The following CCDC171 variants were observed in gnomAD, a reference collection of about 807,000 sequenced individuals.
CCDC171 encodes coiled-coil domain-containing protein 171.
In CCDC171, 177 loss-of-function variants were observed where a neutral mutation model predicts 168.2. That is an observed-to-expected ratio of 1.05 (90% confidence interval 0.93 to 1.19). CCDC171 has a LOEUF of 1.19. Among genes scored for constraint, CCDC171 ranks in the 50% most tolerant of loss-of-function variants. CCDC171 has a pLI of 0.00. For synonymous variants in CCDC171, 687 were observed against 540.8 expected, an observed-to-expected ratio of 1.27 and a Z score of -3.75; for missense variants, 1,991 against 1,539.0, an observed-to-expected ratio of 1.29 and a Z score of -4.91.
At chr9:15,633,242 A>G (rs562123137) in intron 7 of CCDC171, among the ~76,000 whole-genome samples, 2 of 152,340 alleles carry the variant, frequency 1.3e-5, no homozygotes, top group African/African-American at 2.4e-5. Context: ...GGCAACCTAC[A>G]CAATGGGAGA....
chr9:16,061,495 T>C (rs187526549), downstream of CCDC171: 1 of 152,330 alleles, frequency 6.6e-6, no homozygotes, highest in African/African-American at 2.4e-5. Flanking sequence ...TTTTTATTTA[T>C]ATATTCTATT....
At chr9:15,615,277 C>G (rs1433601245) in intron 6 of CCDC171, among the ~76,000 whole-genome samples, 1 of 152,100 alleles carries the variant, frequency 6.6e-6, no homozygotes, top group East Asian at 1.9e-4. Flanking sequence ...AACTTTTCTT[C>G]ATATAGAATT....
chr9:15,991,791 C>T (rs1310610818), intron 3 of CCDC171, among the ~76,000 whole-genome samples: 1 of 152,180 alleles, frequency 6.6e-6, no homozygotes, highest in Admixed American at 6.5e-5. Context: ...TCAGAGAATA[C>T]TATAAACACC....
chr9:15,729,883 A>T (rs1157403426), intron 16 of CCDC171, 85 bp downstream of exon 16: 1 of 1,036,870 alleles, frequency 9.6e-7, no homozygotes, highest in East Asian at 2.4e-5. Context: ...AGCAGTGCTA[A>T]ATCAGTTTAA....
At chr9:15,573,539 C>A (rs932289924) in intron 3 of CCDC171, among the ~76,000 whole-genome samples, 2 of 152,134 alleles carry the variant, frequency 1.3e-5, no homozygotes, top group African/African-American at 4.8e-5. Context: ...ACCTTGGCCT[C>A]CCAAAGTGCT....
the CCDC171 span, among the ~76,000 whole-genome samples, chr9:16,087,990 G>C: frequency 0.47 from 71,342 of 151,846 alleles, 18,841 homozygotes; most frequent in African/African-American, 0.73. Context: ...ACTGGCAAAC[G>C]AAATCCAGCA....
chr9:15,825,805 C>G (rs188798445), intron 21 of CCDC171, among the ~76,000 whole-genome samples: 87 of 152,218 alleles, frequency 5.7e-4, no homozygotes, highest in Non-Finnish European at 1.1e-3. Context: ...TGATTTATTT[C>G]AAGTGAGTAT....
chr9:15,572,465 CTGTA>C (rs2040310452), intron 3 of CCDC171, among the ~76,000 whole-genome samples: 1 of 152,168 alleles, frequency 6.6e-6, no homozygotes, highest in Non-Finnish European at 1.5e-5. Flanking sequence ...CTCATTTATC[CTGTA>C]CACCATTGGT....
At chr9:16,071,141 C>G in the CCDC171 span, among the ~76,000 whole-genome samples, 2 of 152,242 alleles carry the variant, frequency 1.3e-5, no homozygotes, top group Middle Eastern at 6.8e-3. Context: ...GAGAGGGAGG[C>G]AGAGAGAGGA....
chr9:15,712,789 T>A (rs903355983), intron 11 of CCDC171, among the ~76,000 whole-genome samples: 1 of 152,122 alleles, frequency 6.6e-6, no homozygotes, highest in Non-Finnish European at 1.5e-5. Flanking sequence ...TCAACAGGAG[T>A]TGTAACCCAA....
At chr9:15,595,061 A>G (rs1440858081) in intron 6 of CCDC171, among the ~76,000 whole-genome samples, 2 of 152,232 alleles carry the variant, frequency 1.3e-5, no homozygotes, top group African/African-American at 2.4e-5. Context: ...ATATCCACAT[A>G]TAATACATTT....
At chr9:15,834,467 A>G (rs1193307064) in intron 21 of CCDC171, among the ~76,000 whole-genome samples, 1 of 152,184 alleles carries the variant, frequency 6.6e-6, no homozygotes, top group African/African-American at 2.4e-5. Flanking sequence ...GTAATATTGC[A>G]CTGTTATATC....
chr9:16,015,608 C>G (rs1403766601), intron 3 of CCDC171, among the ~76,000 whole-genome samples: 2 of 152,112 alleles, frequency 1.3e-5, no homozygotes, highest in Admixed American at 1.3e-4. Flanking sequence ...TTTTTAAATA[C>G]TTTTAAAATT....
intron 16 of CCDC171, among the ~76,000 whole-genome samples, chr9:15,733,320 A>G (rs114154077): frequency 0.018 from 2,685 of 152,090 alleles, 97 homozygotes; most frequent in African/African-American, 0.061. Context: ...CAATTTTTTT[A>G]TGGGTTATAC....
chr9:15,721,605 ATTCAAGAATTTTAT>A (rs151118846), intron 11 of CCDC171, among the ~76,000 whole-genome samples, 150 bp from the exon 12 acceptor site: 2,531 of 147,002 alleles, frequency 0.017, 95 homozygotes, highest in African/African-American at 0.059. Context: ...ATAAAATTCT[ATTCAAGAATTTTAT>A]TCTCCAAGTA....
intron 21 of CCDC171, among the ~76,000 whole-genome samples, chr9:15,817,010 ATG>A (rs1225540217): frequency 1.7e-5 from 2 of 117,450 alleles, no homozygotes; most frequent in Non-Finnish European, 1.9e-5. Context: ...TTTTATAGTT[ATG>A]TGTGTGTGTG....
chr9:15,660,700 A>G (rs950416092), intron 8 of CCDC171, among the ~76,000 whole-genome samples: 1 of 152,054 alleles, frequency 6.6e-6, no homozygotes, highest in Non-Finnish European at 1.5e-5. Flanking sequence ...TATGTACCAC[A>G]TTTTCTTTAT....
At chr9:16,006,991 C>A (rs977667250) in intron 3 of CCDC171, among the ~76,000 whole-genome samples, 7 of 152,104 alleles carry the variant, frequency 4.6e-5, no homozygotes, top group African/African-American at 1.7e-4. Context: ...GTTCTAGATC[C>A]CTGAGGAATC....
chr9:15,750,677 C>G (rs935615868), intron 18 of CCDC171, among the ~76,000 whole-genome samples: 1 of 152,172 alleles, frequency 6.6e-6, no homozygotes, highest in African/African-American at 2.4e-5. Flanking sequence ...ACCACAAAAA[C>G]CACATGATTA....
Sources: gnomAD v4.1 joint callset for allele counts (sites outside exome capture counted in the v4.1 genomes callset) on GRCh38, gnomAD v4.1.1 for gene constraint, MANE v1.5 for transcripts, NCBI Gene and HGNC (gene_info 2026-07-23, HGNC 2026-07-21) for gene names.